The following OSBPL8 variants were observed in gnomAD, a reference collection of about 807,000 sequenced individuals.
OSBPL8 encodes oxysterol binding protein like 8.
Under a neutral mutation model 125.5 loss-of-function variants are expected in OSBPL8, and 59 were observed. The observed-to-expected ratio is 0.47, with a 90% CI of 0.38 to 0.58. OSBPL8 has a LOEUF of 0.58. OSBPL8 is among the 20% of genes least tolerant of loss of function. The pLI is 0.00. For synonymous variants in OSBPL8, 330 were observed against 338.9 expected (o/e 0.97, Z 0.29); for missense variants, 758 against 1,047.8 (o/e 0.72, Z 3.82).
rs570647374 is a variant in OSBPL8, at chr12:76,352,644, A to C, written c.*3245T>G. The C allele has an allele frequency of 2.0e-5, 3 of 152,664 alleles. No homozygotes were observed. Among genetic ancestry groups the C allele is most frequent in the Middle Eastern group, 3.4e-3 (1 of 294 alleles). 9.5% of individuals were successfully genotyped at this position (152,664 alleles called of 1,614,324 possible). A position where few individuals can be genotyped will look rare whatever the true frequency, so the allele number is the denominator to read the frequency against. On this transcript the variant is annotated 3_prime_UTR_variant, in exon 24 of 24. Transcript: ENST00000261183. ...ATTTCTGTACATTTAATATGATTCA[A>C]TATAATCTGCAGTCTCATGTATGGC...
chr12:76,538,820 T>C lies in OSBPL8; in HGVS notation c.-68+20577A>G, dbSNP rs192077087. On this transcript the variant is annotated intron_variant, in intron 1 of 23. Coordinates refer to ENST00000261183, the MANE Select transcript of OSBPL8 (RefSeq NM_020841.5). ...AACATTAGCCGGCTGTGGTGGCACA[T>C]GTCTGTAGTCCCAGCTACTCGGGAG... Among the ~76,000 whole-genome samples, 763 of 151,682 alleles carry C rather than the reference T, an allele frequency of 5.0e-3. 4 individuals carry two copies. The highest frequency in any genetic ancestry group is 0.017 in the Middle Eastern group (5 of 292).
chr12:76,392,753 C>T lies in OSBPL8; in HGVS notation c.758-1G>A. ...TCCAAAGCATCCATCCAGCACCTTC[C>T]TAAAAGAACACAGATTCATAAGCAC... On this transcript the variant is annotated splice_acceptor_variant, in intron 9 of 23. Coordinates refer to ENST00000261183, the MANE Select transcript of OSBPL8 (RefSeq NM_020841.5). LOFTEE classifies it high-confidence loss of function. 1 of 1,601,104 alleles carries T rather than the reference C, an allele frequency of 6.2e-7. No individual in the cohort carries two copies. Among genetic ancestry groups the T allele is most frequent in the Non-Finnish European group, 8.5e-7 (1 of 1,171,024 alleles).
intron 2 of OSBPL8, among the ~76,000 whole-genome samples, chr12:76,481,875 A>G (rs1250485019): frequency 6.6e-6 from 1 of 152,218 alleles, no homozygotes; most frequent in Non-Finnish European, 1.5e-5. Flanking sequence ...ATTTTTATAG[A>G]TAGCTGGGCT....
chr12:76,394,750 A>T, intron 8 of OSBPL8, 21 bp from the exon 9 acceptor site: 1 of 1,547,256 alleles, frequency 6.5e-7, no homozygotes, highest in Non-Finnish European at 8.9e-7. Flanking sequence ...AAATAAACAA[A>T]ATAAATGGTA....
At chr12:76,414,537 C>T (rs1487014255) in intron 4 of OSBPL8, among the ~76,000 whole-genome samples, 2 of 148,636 alleles carry the variant, frequency 1.3e-5, no homozygotes, top group Admixed American at 1.4e-4. Flanking sequence ...ACTGCAGCCT[C>T]GACCTCCTGT....
chr12:76,430,430 G>C (rs892810965), intron 4 of OSBPL8, among the ~76,000 whole-genome samples: 8 of 152,224 alleles, frequency 5.3e-5, no homozygotes, highest in African/African-American at 1.9e-4. Flanking sequence ...CAGTCTCTAA[G>C]GACTGGAGGA....
At chr12:76,482,038 A>C (rs1877557028) in intron 2 of OSBPL8, among the ~76,000 whole-genome samples, 1 of 152,216 alleles carries the variant, frequency 6.6e-6, no homozygotes, top group Non-Finnish European at 1.5e-5. Flanking sequence ...GAAGACACTC[A>C]TTGACTATAT....
At chr12:76,475,968 CAG>C (rs1417489287) in intron 2 of OSBPL8, among the ~76,000 whole-genome samples, 1 of 152,152 alleles carries the variant, frequency 6.6e-6, no homozygotes, top group Non-Finnish European at 1.5e-5. Flanking sequence ...CAAATGCAGG[CAG>C]AGAGGCCAAC....
chr12:76,474,922 G>A (rs904459134), intron 2 of OSBPL8, among the ~76,000 whole-genome samples: 4 of 152,026 alleles, frequency 2.6e-5, no homozygotes, highest in South Asian at 2.1e-4. Context: ...CTTCTGAACC[G>A]GTGACTTTTG....
At chr12:76,364,408 C>T (rs1315264314) in intron 21 of OSBPL8, among the ~76,000 whole-genome samples, 1 of 152,090 alleles carries the variant, frequency 6.6e-6, no homozygotes, top group East Asian at 1.9e-4. Context: ...GAACAGAAAA[C>T]CAAATACCGC....
intron 1 of OSBPL8, among the ~76,000 whole-genome samples, chr12:76,506,401 G>A (rs1301257784): frequency 6.6e-6 from 1 of 152,166 alleles, no homozygotes; most frequent in Non-Finnish European, 1.5e-5. Context: ...CATACGGATG[G>A]AATTTAAAAC....
At chr12:76,526,762 T>C (rs953678493) in intron 1 of OSBPL8, among the ~76,000 whole-genome samples, 9 of 148,404 alleles carry the variant, frequency 6.1e-5, no homozygotes, top group African/African-American at 2.2e-4. Flanking sequence ...GCAACTCTCC[T>C]GTCTCAGTCT....
intron 3 of OSBPL8, among the ~76,000 whole-genome samples, chr12:76,456,045 C>T (rs987268200): frequency 3.3e-5 from 5 of 152,136 alleles, no homozygotes; most frequent in Non-Finnish European, 7.4e-5. Flanking sequence ...AACATATCTG[C>T]TGCATCTAAG....
intron 10 of OSBPL8, 30 bp downstream of exon 10, chr12:76,392,551 A>T: frequency 6.3e-7 from 1 of 1,581,792 alleles, no homozygotes; most frequent in Non-Finnish European, 8.6e-7. Flanking sequence ...TCTCTGAAAC[A>T]TTACCAACTC....
At chr12:76,436,353 T>TA (rs1055509907) in intron 4 of OSBPL8, among the ~76,000 whole-genome samples, 9 of 152,288 alleles carry the variant, frequency 5.9e-5, no homozygotes, top group South Asian at 4.2e-4. Flanking sequence ...TTACTTCATC[T>TA]AAAAATGTAA....
intron 3 of OSBPL8, among the ~76,000 whole-genome samples, chr12:76,458,505 CAT>C (rs1874329617): frequency 6.6e-6 from 1 of 152,006 alleles, no homozygotes; most frequent in African/African-American, 2.4e-5. Context: ...GCCTGGGCAA[CAT>C]AGTGAGACCA....
intron 1 of OSBPL8, among the ~76,000 whole-genome samples, chr12:76,546,174 G>T (rs143738223): frequency 1.3e-5 from 2 of 152,194 alleles, no homozygotes; most frequent in African/African-American, 4.8e-5. Flanking sequence ...TATATTTTCT[G>T]CATAATCAAA....
chr12:76,375,475 A>C, intron 16 of OSBPL8, 105 bp from the exon 17 acceptor site: 1 of 737,276 alleles, frequency 1.4e-6, no homozygotes, highest in Non-Finnish European at 2.2e-6. Context: ...CATAATTCAA[A>C]ATCACTCTGT....
chr12:76,495,323 C>G (rs1366366562), intron 1 of OSBPL8, among the ~76,000 whole-genome samples: 1 of 152,090 alleles, frequency 6.6e-6, no homozygotes, highest in Non-Finnish European at 1.5e-5. Flanking sequence ...GGTCAGTAAA[C>G]AATATAATAG....
Sources: allele counts gnomAD v4.1 joint callset (sites outside exome capture counted in the v4.1 genomes callset), GRCh38; gene constraint gnomAD v4.1.1; transcripts MANE v1.5; gene names NCBI Gene and HGNC (gene_info 2026-07-23, HGNC 2026-07-21).